EPB41: variants seen among roughly 807,000 people sequenced by gnomAD.
The protein encoded by EPB41 is protein 4.1.
In EPB41, 65 loss-of-function variants were observed where a neutral mutation model predicts 108.0. The ratio of observed to expected loss-of-function variants is 0.60; its 90% CI spans 0.49 to 0.74. The LOEUF (loss-of-function observed/expected upper bound fraction) is 0.74, where lower values mean the gene tolerates loss of function less well. Among genes scored for constraint, EPB41 ranks in the 30% least tolerant of loss-of-function variants. The pLI is 0.00. For synonymous variants in EPB41, 336 were observed against 358.9 expected, an observed-to-expected ratio of 0.94 and a Z score of 0.72; for missense variants, 875 against 1,037.0, an observed-to-expected ratio of 0.84 and a Z score of 2.15.
At chr1:29,108,400 G>A (rs527813128) in intron 17 of EPB41, among the ~76,000 whole-genome samples, 10 of 151,610 alleles carry the variant, frequency 6.6e-5, no homozygotes, top group Non-Finnish European at 1.0e-4. Context: ...TGCCCCCCTC[G>A]GTCTCCCAAA....
chr1:28,997,465 T>A (rs903613385), intron 4 of EPB41, 146 bp downstream of exon 4: 5 of 664,528 alleles, frequency 7.5e-6, no homozygotes, highest in East Asian at 2.7e-5. Context: ...TTTCCTGCTA[T>A]TTTTCTTCTA....
intron 12 of EPB41, among the ~76,000 whole-genome samples, chr1:29,056,340 A>G (rs750564587): frequency 6.6e-6 from 1 of 152,188 alleles, no homozygotes; most frequent in Non-Finnish European, 1.5e-5. Flanking sequence ...TAGTAGTGAT[A>G]AAGTAGCCTT....
intron 11 of EPB41, among the ~76,000 whole-genome samples, chr1:29,048,403 G>A (rs1643902479): frequency 6.6e-6 from 1 of 151,668 alleles, no homozygotes; most frequent in Admixed American, 6.6e-5. Flanking sequence ...TAGTAGAGAC[G>A]GGGTTTCTCC....
chr1:28,911,693 T>G (rs868042821), upstream of EPB41, among the ~76,000 whole-genome samples: 8 of 152,104 alleles, frequency 5.3e-5, no homozygotes, highest in Admixed American at 1.3e-4. Flanking sequence ...GGACTAGAAC[T>G]CTGAATAAAA....
chr1:28,960,133 C>T (rs1011697815), intron 1 of EPB41, among the ~76,000 whole-genome samples: 3 of 151,338 alleles, frequency 2.0e-5, no homozygotes, highest in Non-Finnish European at 2.9e-5. Context: ...CTCCCAGAAG[C>T]GGAGACTACA....
intron 9 of EPB41, among the ~76,000 whole-genome samples, chr1:29,034,710 T>A (rs1025583190): frequency 2.6e-5 from 4 of 152,172 alleles, no homozygotes; most frequent in African/African-American, 9.7e-5. Context: ...AAGAGGAATC[T>A]AGATAAATTA....
At chr1:28,985,037 T>C (rs1442535053) in intron 1 of EPB41, among the ~76,000 whole-genome samples, 1 of 152,020 alleles carries the variant, frequency 6.6e-6, no homozygotes, top group Non-Finnish European at 1.5e-5. Flanking sequence ...TGATCTCAGC[T>C]CACCACAACC....
intron 1 of EPB41, among the ~76,000 whole-genome samples, chr1:28,945,931 A>G (rs2094473300): frequency 6.6e-6 from 1 of 152,226 alleles, no homozygotes; most frequent in Non-Finnish European, 1.5e-5. Flanking sequence ...GACTGCTGTT[A>G]TACTTGTGAA....
intron 17 of EPB41, among the ~76,000 whole-genome samples, chr1:29,101,962 G>T (rs1665563545): frequency 1.3e-5 from 2 of 152,126 alleles, no homozygotes; most frequent in Admixed American, 1.3e-4. Context: ...CATCTCTGGA[G>T]AAATGCTTGT....
intron 1 of EPB41, among the ~76,000 whole-genome samples, chr1:28,928,891 ACAGT>A (rs1329960940): frequency 1.3e-5 from 2 of 152,192 alleles, no homozygotes; most frequent in Non-Finnish European, 2.9e-5. Context: ...ACAGTGCAAT[ACAGT>A]CAAAGATCTT....
At chr1:29,026,696 G>A (rs1261087979) in intron 7 of EPB41, among the ~76,000 whole-genome samples, 1 of 152,164 alleles carries the variant, frequency 6.6e-6, no homozygotes, top group African/African-American at 2.4e-5. Flanking sequence ...GGCTGAGGTG[G>A]GCTGACTGCT....
At chr1:28,980,514 A>C (rs2095712154) in intron 1 of EPB41, among the ~76,000 whole-genome samples, 1 of 151,840 alleles carries the variant, frequency 6.6e-6, no homozygotes, top group South Asian at 2.1e-4. Context: ...GTTTGAAACC[A>C]GCCTGGGCAA....
chr1:28,961,860 T>G (rs2095224266), intron 1 of EPB41, among the ~76,000 whole-genome samples: 1 of 152,224 alleles, frequency 6.6e-6, no homozygotes, highest in Non-Finnish European at 1.5e-5. Flanking sequence ...CAATTTTCTC[T>G]TCTTTTGTGA....
At position 29,018,302 on chromosome 1, in the gene EPB41, A is replaced by G; in HGVS notation, c.984A>G (p.Leu328=). The change falls in exon 7 of 21, where the codon TTA becomes TTG. Residue 328 remains leucine (L), a synonymous_variant. Coordinates refer to ENST00000343067, the MANE Select transcript of EPB41 (RefSeq NM_001376013.1). This position sits in a 1 kb window ranked among gnomAD's most constrained non-coding sequence, Gnocchi z 4.4. The part of the protein sequence containing the change: ...LPCSFATLAL[L]GSYTIQSELG... The stretch of plus-strand genomic sequence containing the variant: ...GTTCCTTTGCAACCTTAGCATTATT[A>G]GGTTCTTACACCATCCAGTCTGAAC... 2 of 1,614,144 alleles carry G rather than the reference A, an allele frequency of 1.2e-6. No individual in the cohort carries two copies.
At chr1:29,009,143 CTTTTT>C (rs11330641) in intron 4 of EPB41, among the ~76,000 whole-genome samples, 1 of 140,590 alleles carries the variant, frequency 7.1e-6, no homozygotes, top group Admixed American at 7.1e-5. Flanking sequence ...TTTAATCCTT[CTTTTT>C]TTTTTTTTTT....
chr1:28,955,659 T>TCTACTTGA (rs1482529528), intron 1 of EPB41, among the ~76,000 whole-genome samples: 1 of 152,064 alleles, frequency 6.6e-6, no homozygotes, highest in Admixed American at 6.6e-5. Context: ...GATCTATTTT[T>TCTACTTGA]CTACTTGACT....
intron 1 of EPB41, among the ~76,000 whole-genome samples, chr1:28,929,595 G>A (rs1189840454): frequency 1.4e-5 from 2 of 143,746 alleles, no homozygotes; most frequent in Non-Finnish European, 3.0e-5. Flanking sequence ...GCAATGGCGC[G>A]ATCTTGGCTC....
At chr1:29,116,672 A>G (rs971099532) in intron 20 of EPB41, 147 bp from the exon 21 acceptor site, 1 of 152,298 alleles carries the variant, frequency 6.6e-6, no homozygotes, top group African/African-American at 2.4e-5. Flanking sequence ...AAAGACTTGA[A>G]GAAGCCACCA....
intron 1 of EPB41, among the ~76,000 whole-genome samples, chr1:28,909,259 C>T (rs1308114610): frequency 1.3e-5 from 2 of 151,354 alleles, no homozygotes; most frequent in Non-Finnish European, 2.9e-5. Context: ...TCATTTTTAA[C>T]CTATAAAATC....
Sources: allele counts gnomAD v4.1 joint callset (sites outside exome capture counted in the v4.1 genomes callset), GRCh38; gene constraint gnomAD v4.1.1; non-coding constraint Gnocchi (gnomAD v3.1); transcripts MANE v1.5; gene names NCBI Gene and HGNC (gene_info 2026-07-23, HGNC 2026-07-21).